The following DOCK1 variants were observed in gnomAD, a reference collection of about 807,000 sequenced individuals.
The protein encoded by DOCK1 is dedicator of cytokinesis protein 1.
Under a neutral mutation model 262.7 loss-of-function variants are expected in DOCK1, and 138 were observed. That is an observed-to-expected ratio of 0.53 (90% CI 0.46 to 0.61). DOCK1 has a LOEUF of 0.61. Ranked by LOEUF, DOCK1 falls within the 20% of genes least tolerant of loss-of-function variation. The pLI, the probability that DOCK1 is intolerant of heterozygous loss-of-function variation, is 0.00. For missense variants in DOCK1, 1,908 were observed against 2,370.7 expected (o/e 0.80, Z 4.05); for synonymous variants, 866 against 867.4 (o/e 1.00, Z 0.03).
At chr10:127,447,043 G>A (rs2070612430) in intron 50 of DOCK1, among the ~76,000 whole-genome samples, 3 of 152,210 alleles carry the variant, frequency 2.0e-5, no homozygotes. Flanking sequence ...AGACGGTCCT[G>A]TGGCACCCAG....
intron 16 of DOCK1, among the ~76,000 whole-genome samples, chr10:127,028,238 A>G (rs1427962647): frequency 6.6e-6 from 1 of 152,170 alleles, no homozygotes; most frequent in Non-Finnish European, 1.5e-5. Flanking sequence ...CTGCCATCTC[A>G]TCCTTGCCCC....
intron 27 of DOCK1, among the ~76,000 whole-genome samples, chr10:127,243,635 A>AG (rs1258715178): frequency 6.6e-6 from 1 of 152,112 alleles, no homozygotes; most frequent in East Asian, 1.9e-4. Context: ...TACTTCCAGG[A>AG]GGGCTGGGGG....
rs2043616915 is a variant in DOCK1 at position 127,036,387 on chromosome 10, T to C, written c.1913-1332T>C. On this transcript the variant is annotated intron_variant, in intron 18 of 51. Transcript: ENST00000623213. Reference sequence around the variant, plus strand: ...ATTGCCTGCATGCCTTTTGTACAATTTGATGCTGAAGTTATAATGGATGTC... The same window carrying C: ...ATTGCCTGCATGCCTTTTGTACAATCTGATGCTGAAGTTATAATGGATGTC... Among the ~76,000 whole-genome samples the C allele has an allele frequency of 2.6e-5, 4 of 152,338 alleles. No individual in the cohort carries two copies. The South Asian group carries it at 8.3e-4, about 32-fold the overall frequency.
At position 127,308,060 on chromosome 10, in the gene DOCK1, G is replaced by C. The variant is rs137901896; in HGVS notation, c.3045-30946G>C. Among the ~76,000 whole-genome samples, 358 of 152,348 alleles carry C rather than the reference G, an allele frequency of 2.3e-3. 2 individuals carry two copies. The highest frequency in any genetic ancestry group is 7.8e-3 in the African/African-American group (326 of 41,582). ...CTTCTTTCTGCTGGATGACGTTGCTGTTTCTGGCAGCACCATTGGCTGCAT... is the reference window on the plus strand; with the variant it reads ...CTTCTTTCTGCTGGATGACGTTGCTCTTTCTGGCAGCACCATTGGCTGCAT... On this transcript the variant is annotated intron_variant, in intron 29 of 51. Coordinates refer to ENST00000623213, the MANE Select transcript of DOCK1 (RefSeq NM_001290223.2).
intron 21 of DOCK1, among the ~76,000 whole-genome samples, chr10:127,046,870 A>T (rs2135687828): frequency 6.6e-6 from 1 of 152,234 alleles, no homozygotes; most frequent in East Asian, 1.9e-4. Context: ...CTTATTCCAT[A>T]ACCTGAGTGA....
chr10:127,448,426 G>A (rs764995257), intron 51 of DOCK1, among the ~76,000 whole-genome samples: 6 of 152,270 alleles, frequency 3.9e-5, no homozygotes, highest in African/African-American at 9.6e-5. Flanking sequence ...GATCCACCCC[G>A]TTCCTCTCCT....
intron 38 of DOCK1, among the ~76,000 whole-genome samples, chr10:127,391,001 G>T (rs2066445120): frequency 6.6e-6 from 1 of 152,182 alleles, no homozygotes; most frequent in Non-Finnish European, 1.5e-5. Context: ...CCGCCCACAT[G>T]CGGCTGGGAA....
intron 13 of DOCK1, 54 bp downstream of exon 13, chr10:127,018,889 C>G (rs1044494633): frequency 1.7e-5 from 27 of 1,602,152 alleles, no homozygotes; most frequent in Non-Finnish European, 2.3e-5. Flanking sequence ...TAGCCGGCCA[C>G]GGAGGATGAC....
chr10:127,124,139 T>G (rs2133061652), intron 25 of DOCK1, among the ~76,000 whole-genome samples: 1 of 152,342 alleles, frequency 6.6e-6, no homozygotes, highest in South Asian at 2.1e-4. Flanking sequence ...CAGTCCTTCA[T>G]TACAGTGTAG....
At chr10:127,227,862 G>A (rs2058700104) in intron 27 of DOCK1, among the ~76,000 whole-genome samples, 1 of 152,126 alleles carries the variant, frequency 6.6e-6, no homozygotes. Context: ...GTCAAATCTG[G>A]AAGCCAAACC....
At chr10:127,125,359 C>A in intron 25 of DOCK1, 115 bp from the exon 26 acceptor site, 1 of 1,433,256 alleles carries the variant, frequency 7.0e-7, no homozygotes, top group Non-Finnish European at 9.5e-7. Context: ...GATGTCAGTT[C>A]CACGTGTTGC....
chr10:126,980,590 T>A (rs960321015), intron 3 of DOCK1, among the ~76,000 whole-genome samples: 1 of 152,168 alleles, frequency 6.6e-6, no homozygotes, highest in African/African-American at 2.4e-5. Context: ...TTGGCCACTT[T>A]CCTTGTTGGC....
chr10:126,990,537 C>T lies in DOCK1; in HGVS notation c.407C>T (p.Thr136Ile). 6.2e-7 allele frequency: 1 copy of T among 1,613,798 alleles called. No individual in the cohort carries two copies. ...IEWRSQILSG[T>I]LPQDELKELK... ...TGGCGATCACAAATTCTTTCTGGAACTCTGCCTCAGGATGAACTCAAAGAA... is the reference window on the plus strand; with the variant it reads ...TGGCGATCACAAATTCTTTCTGGAATTCTGCCTCAGGATGAACTCAAAGAA... Residue 136 changes from threonine (T) to isoleucine (I), a missense_variant, in exon 6 of 52, where the codon ACT becomes ATT. By Grantham distance (89) the Thr-to-Ile change is moderately conservative. Around this residue, in one of 9 missense-constraint regions of DOCK1, gnomAD observed 227 missense variants for 254.1 expected, o/e 0.89. Coordinates refer to ENST00000623213, the MANE Select transcript of DOCK1 (RefSeq NM_001290223.2).
chr10:126,952,619 ATTG>A (rs1456741731), intron 1 of DOCK1, among the ~76,000 whole-genome samples: 3 of 146,508 alleles, frequency 2.0e-5, no homozygotes, highest in East Asian at 2.1e-4. Context: ...TCTTGGTAGT[ATTG>A]TTGGTGATGT....
At chr10:127,142,878 G>A (rs1178765107) in intron 27 of DOCK1, among the ~76,000 whole-genome samples, 2 of 152,296 alleles carry the variant, frequency 1.3e-5, no homozygotes, top group East Asian at 3.9e-4. Flanking sequence ...AAAGTTTTAA[G>A]TGTGGGGACT....
At chr10:127,096,979 C>T (rs2136148521) in intron 23 of DOCK1, among the ~76,000 whole-genome samples, 1 of 152,184 alleles carries the variant, frequency 6.6e-6, no homozygotes, top group African/African-American at 2.4e-5. Context: ...GTGGCACACA[C>T]CTGTAATTCT....
At chr10:127,141,648 G>A (rs796705030) in intron 27 of DOCK1, among the ~76,000 whole-genome samples, 4 of 152,088 alleles carry the variant, frequency 2.6e-5, no homozygotes, top group African/African-American at 9.6e-5. Flanking sequence ...TCCACCCTGG[G>A]TGACAGAGTG....
At chr10:127,349,746 C>T (rs887891523) in intron 31 of DOCK1, among the ~76,000 whole-genome samples, 1 of 152,182 alleles carries the variant, frequency 6.6e-6, no homozygotes, top group Non-Finnish European at 1.5e-5. Flanking sequence ...TTCCCTGCCT[C>T]TCTCCTGGCT....
intron 27 of DOCK1, among the ~76,000 whole-genome samples, chr10:127,214,937 T>C (rs549751035): frequency 1.3e-5 from 2 of 152,272 alleles, no homozygotes; most frequent in South Asian, 4.2e-4. Context: ...AATATGGTAG[T>C]GAGAATCTAA....
Sources: gnomAD v4.1 joint callset for allele counts (sites outside exome capture counted in the v4.1 genomes callset) on GRCh38, gnomAD v4.1.1 for gene constraint, gnomAD v4.1.1 regional missense constraint, MANE v1.5 for transcripts, NCBI Gene and HGNC (gene_info 2026-07-23, HGNC 2026-07-21) for gene names.